The following COL18A1 variants were observed in gnomAD, a reference collection of about 807,000 sequenced individuals.
COL18A1 encodes the protein collagen alpha-1(XVIII) chain.
A neutral mutation model predicts 168.0 loss-of-function variants in COL18A1; 133 were observed. That is an observed-to-expected ratio of 0.79 (90% confidence interval 0.69 to 0.91). The LOEUF (loss-of-function observed/expected upper bound fraction) is 0.91. Among genes scored for constraint, COL18A1 ranks in the 40% least tolerant of loss-of-function variants. The pLI, the probability that COL18A1 is intolerant of heterozygous loss-of-function variation, is 0.00. For synonymous variants in COL18A1, 949 were observed against 809.0 expected (o/e 1.17, Z -2.94); for missense variants, 2,126 against 1,925.4 (o/e 1.10, Z -1.95).
chr21:45,456,417 C>T, intron 2 of COL18A1: 2 of 1,544,932 alleles, frequency 1.3e-6, no homozygotes, highest in South Asian at 2.4e-5. Context: ...GCAGTCACCA[C>T]TTTAACCAGG....
chr21:45,448,827 C>T (rs377160115), intron 2 of COL18A1, among the ~76,000 whole-genome samples: 31 of 152,240 alleles, frequency 2.0e-4, no homozygotes, highest in Non-Finnish European at 3.5e-4. Flanking sequence ...TAGTGTCCTG[C>T]TCTGTAGTCT....
At chr21:45,419,249 G>A (rs925872873) in intron 2 of COL18A1, among the ~76,000 whole-genome samples, 2 of 151,844 alleles carry the variant, frequency 1.3e-5, no homozygotes, top group African/African-American at 4.8e-5. Flanking sequence ...GATGCCGTGT[G>A]TGGTGACATG....
intron 2 of COL18A1, among the ~76,000 whole-genome samples, chr21:45,445,248 G>C (rs980598809): frequency 5.3e-5 from 8 of 152,210 alleles, no homozygotes; most frequent in Non-Finnish European, 1.2e-4. Flanking sequence ...CCCTCGGCCT[G>C]TGGTTTCCGG....
Position 45,494,514 on chromosome 21 carries a change from C to G in COL18A1, c.2353-31C>G, listed in dbSNP as rs368685220. 2.9e-5 allele frequency: 47 copies of G among 1,613,316 alleles called. No individual in the cohort carries two copies. The African/African-American group carries it at 5.2e-4, about 18-fold the overall frequency. On this transcript the variant is annotated intron_variant, in intron 26 of 41. Coordinates refer to ENST00000651438, the MANE Select transcript of COL18A1 (RefSeq NM_001379500.1). Reference sequence around the variant, plus strand: ...CTGCCAGGTGGGGCACAAGCTGCCACCTAACCCTGTCTTCTTGTTTTTTTG... The same window carrying G: ...CTGCCAGGTGGGGCACAAGCTGCCAGCTAACCCTGTCTTCTTGTTTTTTTG...
In COL18A1 at chr21:45,443,843, T is replaced by G. The variant is rs571113155; in HGVS notation, c.107-24399T>G. Among the ~76,000 whole-genome samples, 280 of 152,248 alleles carry G rather than the reference T, an allele frequency of 1.8e-3. No homozygotes were observed. The highest frequency in any genetic ancestry group is 6.4e-3 in the African/African-American group (265 of 41,522). On this transcript the variant is annotated intron_variant, in intron 2 of 41. Coordinates refer to ENST00000651438, the MANE Select transcript of COL18A1 (RefSeq NM_001379500.1). The surrounding 1 kb of genome is among the most constrained non-coding windows in gnomAD (Gnocchi z 5.2). ...CTAAGGAGAGATGCCTGCTGCATGA[T>G]CCCCTAGATGCGTCCGAGGGACACT...
chr21:45,495,230 G>C (rs1006547578), intron 28 of COL18A1, 128 bp from the exon 29 acceptor site: 4 of 789,360 alleles, frequency 5.1e-6, no homozygotes, highest in Admixed American at 2.0e-5. Flanking sequence ...TAGCCTGAGA[G>C]CTGGGAACGT....
At position 45,501,694 on chromosome 21, in the gene COL18A1, G is replaced by A. The variant is rs921687170; in HGVS notation, c.2684-2317G>A. Among the ~76,000 whole-genome samples, 692 of 145,568 alleles carry A rather than the reference G, an allele frequency of 4.8e-3. 1 individual carries two copies. Among genetic ancestry groups the A allele is most frequent in the African/African-American group, 0.017 (650 of 37,850 alleles). On this transcript the variant is annotated intron_variant, in intron 32 of 41. Transcript: ENST00000651438. ...CTCCCTCTGCAGAAGGACCCCCAGGGGCTCCACAGCCGGTCACCTCCCTCT... is the reference window on the plus strand; with the variant it reads ...CTCCCTCTGCAGAAGGACCCCCAGGAGCTCCACAGCCGGTCACCTCCCTCT...
In COL18A1 at chr21:45,443,903, G is replaced by A. The variant is rs78995899; in HGVS notation, c.107-24339G>A. On this transcript the variant is annotated intron_variant, in intron 2 of 41. Transcript: ENST00000651438. This position sits in a 1 kb window ranked among gnomAD's most constrained non-coding sequence, Gnocchi z 5.2. ...GTGGCCCTCCAGACTCCTAGGAAGGGGACCGTCCTCCCAGTGGCAGCCAGG... is the reference window on the plus strand; with the variant it reads ...GTGGCCCTCCAGACTCCTAGGAAGGAGACCGTCCTCCCAGTGGCAGCCAGG... Among the ~76,000 whole-genome samples, 3,355 of 152,252 alleles carry A rather than the reference G, an allele frequency of 0.022. 139 individuals carry two copies. The highest frequency in any genetic ancestry group is 0.076 in the African/African-American group (3,153 of 41,528).
At position 45,509,361 on chromosome 21, in the gene COL18A1, T is replaced by C. The variant is rs752712792; in HGVS notation, c.3255T>C (p.Asn1085=). ...ARTPLPRGTD[N]EVAALQPPVV... ...CCCACGTCTCCCACCTGCAGGACAA[T>C]GAAGTGGCCGCCTTGCAGCCCCCCG... is the stretch of plus-strand genomic sequence containing the variant. The change falls in exon 39 of 42, where the codon AAT becomes AAC. Residue 1085 remains asparagine (N), a synonymous_variant. Transcript: ENST00000651438. 6 of 1,545,708 alleles carry C rather than the reference T, an allele frequency of 3.9e-6. No homozygotes were observed. The African/African-American group carries it at 6.9e-5, about 18-fold the overall frequency.
At chr21:45,510,406 G>C in intron 40 of COL18A1, 145 bp downstream of exon 40, 2 of 937,340 alleles carry the variant, frequency 2.1e-6, no homozygotes, top group Non-Finnish European at 3.3e-6. Flanking sequence ...CTTCAGGGCA[G>C]GCTCCGGGTG....
chr21:45,424,864 C>G (rs912825096), intron 2 of COL18A1: 1 of 152,440 alleles, frequency 6.6e-6, no homozygotes, highest in East Asian at 1.9e-4. Flanking sequence ...CTGCCTCGCC[C>G]GCGCCTCTTT....
intron 17 of COL18A1, 132 bp downstream of exon 17, chr21:45,487,641 G>A: frequency 2.5e-6 from 3 of 1,193,364 alleles, no homozygotes; most frequent in Non-Finnish European, 2.5e-6. Flanking sequence ...AGGACCACGT[G>A]TGGCGGGCGC....
intron 2 of COL18A1, among the ~76,000 whole-genome samples, chr21:45,427,814 C>T (rs187119221): frequency 6.6e-6 from 1 of 152,338 alleles, no homozygotes; most frequent in Admixed American, 6.5e-5. Context: ...GACTGAGAAC[C>T]AGCGGAAGGG....
At chr21:45,453,090 A>G (rs994581024) in intron 2 of COL18A1, among the ~76,000 whole-genome samples, 3 of 151,968 alleles carry the variant, frequency 2.0e-5, no homozygotes, top group Non-Finnish European at 2.9e-5. Context: ...GTGAGCATTC[A>G]TGTATGACAT....
At chr21:45,483,710 C>CT (rs2035976653) in intron 15 of COL18A1, among the ~76,000 whole-genome samples, 1 of 152,286 alleles carries the variant, frequency 6.6e-6, no homozygotes, top group Non-Finnish European at 1.5e-5. Flanking sequence ...TAACGGGGAA[C>CT]TTTCCCCAGA....
At chr21:45,490,740 TA>T in intron 20 of COL18A1, 95 bp from the exon 21 acceptor site, 3 of 1,356,184 alleles carry the variant, frequency 2.2e-6, no homozygotes, top group Non-Finnish European at 3.1e-6. Context: ...GGTCGGGAAA[TA>T]AAGAACCCCA....
chr21:45,416,032 C>T (rs913357061), intron 2 of COL18A1, among the ~76,000 whole-genome samples: 20 of 152,296 alleles, frequency 1.3e-4, no homozygotes, highest in East Asian at 1.9e-4. Flanking sequence ...TTCTGTTATC[C>T]GGACTGCCCA....
intron 41 of COL18A1, 23 bp from the exon 42 acceptor site, chr21:45,512,165 T>C: frequency 8.7e-6 from 14 of 1,602,728 alleles, no homozygotes; most frequent in Non-Finnish European, 1.2e-5. Context: ...TGGGTTTGAC[T>C]GACGGCCCGG....
intron 3 of COL18A1, among the ~76,000 whole-genome samples, chr21:45,469,707 T>C (rs2035345689): frequency 6.6e-6 from 1 of 152,210 alleles, no homozygotes; most frequent in South Asian, 2.1e-4. Flanking sequence ...GCATTCAAGC[T>C]GGCCTGCAGC....
Sources: gnomAD v4.1 joint callset for allele counts (sites outside exome capture counted in the v4.1 genomes callset) on GRCh38, gnomAD v4.1.1 for gene constraint, Gnocchi (gnomAD v3.1) non-coding constraint, MANE v1.5 for transcripts, NCBI Gene and HGNC (gene_info 2026-07-23, HGNC 2026-07-21) for gene names.